The following PCDHGB3 variants were observed in gnomAD, a reference collection of about 807,000 sequenced individuals.
The protein encoded by PCDHGB3 is protocadherin gamma subfamily B, 3.
A neutral mutation model predicts 59.2 loss-of-function variants in PCDHGB3; 40 were observed. That is an observed-to-expected ratio of 0.68 (90% CI 0.52 to 0.88). The LOEUF is 0.88. Ranked by LOEUF, PCDHGB3 falls within the 40% of genes least tolerant of loss-of-function variation. The pLI is 0.00. For synonymous variants in PCDHGB3, 581 were observed against 503.6 expected, an observed-to-expected ratio of 1.15 and a Z score of -2.06; for missense variants, 1,309 against 1,187.9, an observed-to-expected ratio of 1.10 and a Z score of -1.50.
chr5:141,487,041 G>T lies in PCDHGB3; in HGVS notation c.2416-7766G>T, dbSNP rs149314216. Reference sequence around the variant, plus strand: ...GATCCCAGCCTGTTTGCAGTCTCTCGATATGCTGGGGAGGTGCGGACGGCT... The same window carrying T: ...GATCCCAGCCTGTTTGCAGTCTCTCTATATGCTGGGGAGGTGCGGACGGCT... On this transcript the variant is annotated intron_variant, in intron 1 of 3. Transcript: ENST00000576222. This position sits in a 1 kb window ranked among gnomAD's most constrained non-coding sequence, Gnocchi z 5.0. 6.2e-7 allele frequency: 1 copy of T among 1,614,132 alleles called. No homozygotes were observed. The highest frequency in any genetic ancestry group is 8.5e-7 in the Non-Finnish European group (1 of 1,180,030).
chr5:141,400,734 G>T, intron 1 of PCDHGB3: 1 of 634,546 alleles, frequency 1.6e-6, no homozygotes, highest in Non-Finnish European at 2.7e-6. Context: ...AAAGTAGTGA[G>T]AGTTTGCTCT....
intron 1 of PCDHGB3, chr5:141,389,770 C>T: frequency 4.3e-6 from 7 of 1,613,166 alleles, no homozygotes; most frequent in Admixed American, 1.7e-5. Flanking sequence ...ACAGCGCGTG[C>T]CTTAGGCGAC....
intron 2 of PCDHGB3, among the ~76,000 whole-genome samples, chr5:141,500,793 A>G (rs1245472175): frequency 6.6e-6 from 1 of 152,210 alleles, no homozygotes; most frequent in Non-Finnish European, 1.5e-5. Context: ...ATTTTACAGA[A>G]TAAGTCCTCA....
At chr5:141,443,547 T>C (rs1210940890) in intron 1 of PCDHGB3, among the ~76,000 whole-genome samples, 2 of 152,192 alleles carry the variant, frequency 1.3e-5, no homozygotes, top group Non-Finnish European at 2.9e-5. Context: ...TGGGAAATTG[T>C]TCCAATTCAA....
At chr5:141,449,215 T>C (rs2098631967) in intron 1 of PCDHGB3, among the ~76,000 whole-genome samples, 2 of 152,170 alleles carry the variant, frequency 1.3e-5, no homozygotes, top group Non-Finnish European at 2.9e-5. Context: ...ACTTTCTGTT[T>C]TGAAATGATT....
chr5:141,422,546 G>T, intron 1 of PCDHGB3: 2 of 1,613,972 alleles, frequency 1.2e-6, no homozygotes, highest in South Asian at 2.2e-5. Flanking sequence ...ACTCATGTCT[G>T]GCTGAATGTG....
At chr5:141,374,884 C>A in intron 1 of PCDHGB3, 3 of 1,613,714 alleles carry the variant, frequency 1.9e-6, no homozygotes, top group Non-Finnish European at 1.7e-6. Context: ...TGACTGCCAC[C>A]GACCAGGATG....
intron 1 of PCDHGB3, chr5:141,423,750 TGGGG>T: frequency 7.0e-5 from 20 of 287,406 alleles, no homozygotes; most frequent in Non-Finnish European, 9.0e-5. Context: ...GAAAACTGTT[TGGGG>T]GGGGGGTGGG....
At chr5:141,502,363 T>C (rs1216939790) in intron 2 of PCDHGB3, among the ~76,000 whole-genome samples, 2 of 152,100 alleles carry the variant, frequency 1.3e-5, no homozygotes, top group African/African-American at 4.8e-5. Context: ...ATGGATATTT[T>C]TAAAGAGTCC....
At chr5:141,510,906 C>G in intron 3 of PCDHGB3, 41 bp from the exon 4 acceptor site, 1 of 1,613,582 alleles carries the variant, frequency 6.2e-7, no homozygotes, top group Non-Finnish European at 8.5e-7. Context: ...TGTTGAGGAC[C>G]CTAAGTTTAG....
intron 1 of PCDHGB3, among the ~76,000 whole-genome samples, chr5:141,461,804 C>A (rs559757409): frequency 1.4e-3 from 212 of 152,036 alleles, no homozygotes; most frequent in African/African-American, 5.0e-3. Context: ...CAGGTGCCCA[C>A]CACCACACCC....
At chr5:141,494,755 C>T (rs1246224213) in intron 1 of PCDHGB3, 52 bp from the exon 2 acceptor site, 18 of 1,613,724 alleles carry the variant, frequency 1.1e-5, no homozygotes, top group African/African-American at 1.3e-5. Context: ...GCTCGGGTGA[C>T]ATTCTAACTT....
intron 1 of PCDHGB3, among the ~76,000 whole-genome samples, chr5:141,407,567 A>T (rs554405122): frequency 7.0e-4 from 107 of 152,170 alleles, no homozygotes; most frequent in African/African-American, 2.5e-3. Context: ...AAGCTGAAAG[A>T]TAAAATTCTT....
At chr5:141,438,248 C>A (rs1370527448) in intron 1 of PCDHGB3, among the ~76,000 whole-genome samples, 1 of 151,970 alleles carries the variant, frequency 6.6e-6, no homozygotes, top group Non-Finnish European at 1.5e-5. Flanking sequence ...AAAAAACTGT[C>A]ATTGAAGAGA....
intron 2 of PCDHGB3, among the ~76,000 whole-genome samples, chr5:141,497,332 A>G (rs537994715): frequency 6.6e-6 from 1 of 152,024 alleles, no homozygotes; most frequent in Non-Finnish European, 1.5e-5. Context: ...AGAATTCACC[A>G]TTGAACCTGG....
intron 1 of PCDHGB3, chr5:141,422,585 T>C (rs1193597044): frequency 1.2e-6 from 2 of 1,613,930 alleles, no homozygotes; most frequent in African/African-American, 2.7e-5. Context: ...CCTCCCGTTT[T>C]TCCTCACTCC....
chr5:141,409,442 C>T, intron 1 of PCDHGB3: 2 of 1,613,998 alleles, frequency 1.2e-6, no homozygotes, highest in Non-Finnish European at 1.7e-6. Flanking sequence ...GGACCGAGAG[C>T]AGACACCAGA....
At chr5:141,461,981 G>A (rs755173695) in intron 1 of PCDHGB3, among the ~76,000 whole-genome samples, 4 of 152,078 alleles carry the variant, frequency 2.6e-5, no homozygotes, top group Non-Finnish European at 5.9e-5. Context: ...ATGCCACCAC[G>A]CCAGGCTAAT....
At chr5:141,453,331 C>G (rs1224258701) in intron 1 of PCDHGB3, among the ~76,000 whole-genome samples, 1 of 151,962 alleles carries the variant, frequency 6.6e-6, no homozygotes, top group East Asian at 1.9e-4. Flanking sequence ...TGGGGTCTCA[C>G]TATGTTTCCC....
Sources: allele counts gnomAD v4.1 joint callset (sites outside exome capture counted in the v4.1 genomes callset), GRCh38; gene constraint gnomAD v4.1.1; non-coding constraint Gnocchi (gnomAD v3.1); transcripts MANE v1.5; gene names NCBI Gene and HGNC (gene_info 2026-07-23, HGNC 2026-07-21).